The following GPHN variants were observed in gnomAD, a reference collection of about 807,000 sequenced individuals.
GPHN encodes gephyrin.
Under a neutral mutation model 95.5 loss-of-function variants are expected in GPHN, and 17 were observed. The observed-to-expected ratio is 0.18, with a 90% CI of 0.12 to 0.27. GPHN has a LOEUF of 0.27. Ranked by LOEUF, GPHN falls within the 10% of genes least tolerant of loss-of-function variation. The pLI, the probability that GPHN is intolerant of heterozygous loss-of-function variation, is 1.00. For missense variants in GPHN, 660 were observed against 978.1 expected (o/e 0.67, Z 4.34); for synonymous variants, 320 against 322.5 (o/e 0.99, Z 0.08).
intron 4 of GPHN, among the ~76,000 whole-genome samples, chr14:66,850,818 G>A (rs1214613196): frequency 6.6e-6 from 1 of 152,080 alleles, no homozygotes; most frequent in African/African-American, 2.4e-5. Flanking sequence ...AGAAAGTTAT[G>A]ATCTTACTGG....
At chr14:66,546,350 C>T (rs1174250720) in intron 1 of GPHN, among the ~76,000 whole-genome samples, 1 of 152,086 alleles carries the variant, frequency 6.6e-6, no homozygotes, top group Non-Finnish European at 1.5e-5. Flanking sequence ...AGAGAGGCTC[C>T]TCACTTCCCA....
the GPHN span, chr14:67,204,981 A>T: frequency 6.3e-7 from 1 of 1,579,624 alleles, no homozygotes; most frequent in East Asian, 2.3e-5. Flanking sequence ...AAGTCATAGA[A>T]GTCAGAGAAG....
At chr14:67,131,190 T>A (rs1194337274) in intron 17 of GPHN, among the ~76,000 whole-genome samples, 2 of 152,050 alleles carry the variant, frequency 1.3e-5, no homozygotes, top group Non-Finnish European at 2.9e-5. Context: ...CATATATTTT[T>A]CTCTGTTACT....
the GPHN span, among the ~76,000 whole-genome samples, chr14:67,445,306 C>T: frequency 6.6e-6 from 1 of 152,090 alleles, no homozygotes; most frequent in Non-Finnish European, 1.5e-5. Context: ...CCCATTACAG[C>T]TGGCATCTGA....
chr14:67,685,220 A>C, the GPHN span: 1 of 1,605,818 alleles, frequency 6.2e-7, no homozygotes, highest in Non-Finnish European at 8.5e-7. Context: ...TGGGGGTGGC[A>C]TGAAGAGAGG....
the GPHN span, chr14:67,578,285 G>T: frequency 8.1e-7 from 1 of 1,242,166 alleles, no homozygotes. The surrounding 1 kb of genome is among the most constrained non-coding windows in gnomAD (Gnocchi z 5.0). Flanking sequence ...GACTGGGCAG[G>T]TATACGGTGA....
chr14:67,549,556 C>T, the GPHN span, among the ~76,000 whole-genome samples: 1 of 152,178 alleles, frequency 6.6e-6, no homozygotes, highest in South Asian at 2.1e-4. Context: ...CAGGTGTGAG[C>T]CACTGCTCCC....
chr14:67,407,678 C>T, the GPHN span, among the ~76,000 whole-genome samples: 1 of 152,082 alleles, frequency 6.6e-6, no homozygotes, highest in East Asian at 1.9e-4. Flanking sequence ...TGGCCTCAAG[C>T]AATCCTCCCA....
chr14:66,680,934 A>G (rs2066898725), intron 1 of GPHN, among the ~76,000 whole-genome samples, 173 bp from the exon 2 acceptor site: 1 of 152,024 alleles, frequency 6.6e-6, no homozygotes, highest in Non-Finnish European at 1.5e-5. Context: ...TGTTTAGAAT[A>G]TTAATATTTG....
the GPHN span, among the ~76,000 whole-genome samples, chr14:67,351,228 G>C: frequency 2.0e-5 from 3 of 152,078 alleles, no homozygotes; most frequent in African/African-American, 7.2e-5. Flanking sequence ...AGAGGATTCA[G>C]AAACAACCCC....
At chr14:66,942,664 G>A (rs535579595) in intron 8 of GPHN, among the ~76,000 whole-genome samples, 1 of 152,124 alleles carries the variant, frequency 6.6e-6, no homozygotes, top group South Asian at 2.1e-4. Flanking sequence ...TACAATTTTG[G>A]GACATATATT....
intron 9 of GPHN, among the ~76,000 whole-genome samples, chr14:66,982,937 A>G (rs775094110): frequency 1.3e-5 from 2 of 152,144 alleles, no homozygotes; most frequent in Non-Finnish European, 2.9e-5. Flanking sequence ...TTTCTTTTAA[A>G]TTCTTATCTA....
chr14:67,675,642 C>A, the GPHN span, among the ~76,000 whole-genome samples: 1 of 152,062 alleles, frequency 6.6e-6, no homozygotes, highest in African/African-American at 2.4e-5. Context: ...GTAGGCATTG[C>A]GAGGGATCTG....
At chr14:66,823,887 T>G (rs1342362292) in intron 3 of GPHN, among the ~76,000 whole-genome samples, 1 of 152,254 alleles carries the variant, frequency 6.6e-6, no homozygotes, top group East Asian at 1.9e-4. Flanking sequence ...AGTATATGAT[T>G]ATAATTTAAT....
chr14:66,926,565 T>C (rs2066494324), intron 8 of GPHN, among the ~76,000 whole-genome samples: 3 of 152,230 alleles, frequency 2.0e-5, no homozygotes, highest in African/African-American at 4.8e-5. Context: ...ACTGTACTTA[T>C]ATGGATTTGT....
chr14:67,614,705 T>A, the GPHN span, among the ~76,000 whole-genome samples: 1 of 151,988 alleles, frequency 6.6e-6, no homozygotes, highest in African/African-American at 2.4e-5. Context: ...AAGGTTGCTG[T>A]GAGCTATGAT....
At chr14:67,317,016 A>G in the GPHN span, 3 of 766,824 alleles carry the variant, frequency 3.9e-6, no homozygotes, top group Non-Finnish European at 6.4e-6. Flanking sequence ...GAGTGATACA[A>G]GAGGCAAAAC....
chr14:67,701,024 C>CAAAA, the GPHN span, among the ~76,000 whole-genome samples: 47 of 67,238 alleles, frequency 7.0e-4, no homozygotes, highest in Non-Finnish European at 9.2e-4. Flanking sequence ...AATTTCATCT[C>CAAAA]AAAAAAAAAA....
chr14:67,371,924 G>C, the GPHN span, among the ~76,000 whole-genome samples: 2 of 152,252 alleles, frequency 1.3e-5, no homozygotes, highest in African/African-American at 4.8e-5. Context: ...GGATAATAAA[G>C]CATGACCAAG....
Sources: gnomAD v4.1 joint callset for allele counts (sites outside exome capture counted in the v4.1 genomes callset) on GRCh38, gnomAD v4.1.1 for gene constraint, Gnocchi (gnomAD v3.1) non-coding constraint, MANE v1.5 for transcripts, NCBI Gene and HGNC (gene_info 2026-07-23, HGNC 2026-07-21) for gene names.